DRC5: variants seen among roughly 807,000 people sequenced by gnomAD.
DRC5 encodes dynein regulatory complex subunit 5.
the DRC5 span, chr6:44,279,842 T>A: frequency 4.9e-6 from 1 of 204,990 alleles, no homozygotes; most frequent in South Asian, 1.1e-4. Context: ...TGGTGGGGAG[T>A]CAGGGAGGCA....
chr6:44,295,100 T>C, the DRC5 span, among the ~76,000 whole-genome samples: 1 of 152,210 alleles, frequency 6.6e-6, no homozygotes, highest in African/African-American at 2.4e-5. Context: ...CGGAGCTTTC[T>C]TTCCCTGGGA....
At chr6:44,279,940 G>T in the DRC5 span, 1 of 394,184 alleles carries the variant, frequency 2.5e-6, no homozygotes, top group Non-Finnish European at 4.5e-6. Context: ...GTCATTTGTG[G>T]GTGTCCAGTA....
chr6:44,297,053 C>G, the DRC5 span, among the ~76,000 whole-genome samples: 1 of 7,404 alleles, frequency 1.4e-4, no homozygotes, highest in Admixed American at 3.0e-3. Flanking sequence ...GTGACTCCAG[C>G]GGCTCTGGAG....
At chr6:44,285,723 G>A in the DRC5 span, among the ~76,000 whole-genome samples, 23 of 152,312 alleles carry the variant, frequency 1.5e-4, no homozygotes, top group South Asian at 3.7e-3. Context: ...CAGCACCTAG[G>A]ACAGGGCCTG....
At chr6:44,283,756 C>A in the DRC5 span, among the ~76,000 whole-genome samples, 1 of 152,238 alleles carries the variant, frequency 6.6e-6, no homozygotes, top group African/African-American at 2.4e-5. Flanking sequence ...CGCTGCATGC[C>A]AATCTAACTA....
At chr6:44,287,708 G>A in the DRC5 span, 1 of 1,614,246 alleles carries the variant, frequency 6.2e-7, no homozygotes, top group Non-Finnish European at 8.5e-7. Context: ...GTGATTGAAG[G>A]CTTTGAGAGC....
the DRC5 span, among the ~76,000 whole-genome samples, chr6:44,281,646 A>G: frequency 6.6e-6 from 1 of 152,318 alleles, no homozygotes; most frequent in Non-Finnish European, 1.5e-5. Context: ...CAGCCTCCCA[A>G]AGTGCTGGGA....
At chr6:44,291,620 C>T in the DRC5 span, among the ~76,000 whole-genome samples, 31,308 of 152,156 alleles carry the variant, frequency 0.21, 3,777 homozygotes, top group East Asian at 0.58. Flanking sequence ...CCATCTCTCA[C>T]GTGCCAAGGT....
the DRC5 span, chr6:44,282,642 A>G: frequency 1.2e-5 from 16 of 1,330,224 alleles, no homozygotes; most frequent in Non-Finnish European, 1.6e-5. Flanking sequence ...AACTTGGCTC[A>G]CCTAGTGTTG....
chr6:44,279,236 T>G, the DRC5 span: 1 of 152,260 alleles, frequency 6.6e-6, no homozygotes, highest in South Asian at 2.1e-4. Flanking sequence ...GGTGGACAGC[T>G]ACAGAGTGAT....
chr6:44,285,383 G>C, the DRC5 span, among the ~76,000 whole-genome samples: 1 of 152,166 alleles, frequency 6.6e-6, no homozygotes, highest in Non-Finnish European at 1.5e-5. Flanking sequence ...ATTCTTTGCT[G>C]TTTATCTGAA....
chr6:44,293,781 G>A, the DRC5 span, among the ~76,000 whole-genome samples: 1 of 152,182 alleles, frequency 6.6e-6, no homozygotes, highest in East Asian at 1.9e-4. Context: ...TCCACTAGGG[G>A]AATTTCACGG....
At chr6:44,287,329 G>T in the DRC5 span, 1 of 753,118 alleles carries the variant, frequency 1.3e-6, no homozygotes, top group Admixed American at 6.3e-5. Context: ...GGAGGGTGCA[G>T]TGTGGGTGGG....
the DRC5 span, among the ~76,000 whole-genome samples, chr6:44,289,947 C>T: frequency 0.043 from 6,514 of 152,226 alleles, 233 homozygotes; most frequent in East Asian, 0.18. Flanking sequence ...CCAGCAAAGG[C>T]GTCCTTGGCA....
the DRC5 span, among the ~76,000 whole-genome samples, chr6:44,282,797 A>AT: frequency 2.0e-5 from 2 of 99,662 alleles, no homozygotes; most frequent in Non-Finnish European, 4.3e-5. Flanking sequence ...TTCCTTTTTT[A>AT]TCTTTTTTTT....
chr6:44,287,915 G>C, the DRC5 span: 1 of 1,491,660 alleles, frequency 6.7e-7, no homozygotes, highest in Non-Finnish European at 9.0e-7. Context: ...AAACAGGTAG[G>C]GATCTGGAGC....
At chr6:44,279,321 G>C in the DRC5 span, 1 of 152,516 alleles carries the variant, frequency 6.6e-6, no homozygotes, top group Non-Finnish European at 1.5e-5. Context: ...GCTGGGCCTG[G>C]CTGGGGAGAA....
chr6:44,291,647 A>G, the DRC5 span, among the ~76,000 whole-genome samples: 1 of 152,166 alleles, frequency 6.6e-6, no homozygotes, highest in African/African-American at 2.4e-5. Flanking sequence ...GAATTCCGCC[A>G]TGGTCGTCCA....
the DRC5 span, chr6:44,287,989 T>A: frequency 1.2e-6 from 1 of 817,444 alleles, no homozygotes; most frequent in Non-Finnish European, 1.9e-6. Flanking sequence ...AGAGAGGTGG[T>A]ACAGAATAGT....
Sources: gnomAD v4.1 joint callset for allele counts (sites outside exome capture counted in the v4.1 genomes callset) on GRCh38, gnomAD v4.1.1 for gene constraint, MANE v1.5 for transcripts, NCBI Gene and HGNC (gene_info 2026-07-23, HGNC 2026-07-21) for gene names.